The following DISP1 variants were observed in gnomAD, a reference collection of about 807,000 sequenced individuals.
DISP1 encodes dispatched RND transporter family member 1, also known as protein dispatched homolog 1.
A neutral mutation model predicts 37.3 loss-of-function variants in DISP1; 30 were observed. That is an observed-to-expected ratio of 0.80 (90% CI 0.60 to 1.09). DISP1 has a LOEUF of 1.09. DISP1 is among the 50% of genes least tolerant of loss of function. The pLI, the probability that DISP1 is intolerant of heterozygous loss-of-function variation, is 0.00. For missense variants in DISP1, 1,598 were observed against 1,879.5 expected (o/e 0.85, Z 2.77); for synonymous variants, 634 against 690.2 (o/e 0.92, Z 1.28).
intron 1 of DISP1, among the ~76,000 whole-genome samples, chr1:222,838,065 C>T (rs926271136): frequency 1.3e-5 from 2 of 152,002 alleles, no homozygotes; most frequent in African/African-American, 4.8e-5. Context: ...AAATTTTTTT[C>T]CCAATTTAAT....
intron 1 of DISP1, chr1:222,831,161 G>A (rs559693265): frequency 6.6e-6 from 1 of 152,286 alleles, no homozygotes; most frequent in Admixed American, 6.5e-5. Flanking sequence ...TTGTGCAAAT[G>A]TGAAATACTT....
intron 1 of DISP1, among the ~76,000 whole-genome samples, chr1:222,816,156 T>A (rs980667371): frequency 1.3e-5 from 2 of 151,398 alleles, no homozygotes; most frequent in South Asian, 4.2e-4. Flanking sequence ...CAAGATCTGT[T>A]GTTACACGCA....
At chr1:222,874,809 C>T (rs908414706) in intron 1 of DISP1, among the ~76,000 whole-genome samples, 4 of 152,114 alleles carry the variant, frequency 2.6e-5, no homozygotes, top group Admixed American at 1.3e-4. Flanking sequence ...TGAGGAGCTG[C>T]GTTCCTTTGG....
chr1:222,895,018 A>T (rs1671166791), intron 1 of DISP1, among the ~76,000 whole-genome samples: 2 of 152,236 alleles, frequency 1.3e-5, no homozygotes. Context: ...GCATCTGAGT[A>T]GGGACACCCT....
At chr1:222,848,649 C>T (rs1306567230) in intron 1 of DISP1, among the ~76,000 whole-genome samples, 1 of 152,124 alleles carries the variant, frequency 6.6e-6, no homozygotes, top group Non-Finnish European at 1.5e-5. Context: ...TAACAAATAC[C>T]TGTGCAGCAC....
intron 3 of DISP1, among the ~76,000 whole-genome samples, chr1:222,950,814 C>T (rs917484191): frequency 6.6e-6 from 1 of 152,104 alleles, no homozygotes; most frequent in Non-Finnish European, 1.5e-5. Flanking sequence ...CTTCTTATTG[C>T]CGTATTAAAG....
rs748964993 is a variant in DISP1, at chr1:223,005,232, C to G, written c.3835C>G (p.His1279Asp). 1.9e-6 allele frequency: 3 copies of G among 1,614,008 alleles called. No homozygotes were observed. In the African/African-American group the frequency reaches 4.0e-5, roughly 22 times the overall value. The change falls in exon 9 of 9, where the codon CAC (histidine) becomes GAC (aspartate). Residue 1279 changes from histidine to aspartate, a missense_variant. His to Asp is a moderately conservative substitution (Grantham distance 81). Coordinates refer to ENST00000675850, the MANE Select transcript of DISP1 (RefSeq NM_001377229.1). Reference protein sequence around the residue: ...QRCSCPDAYKHLNYGPHSCQQ... With the variant: ...QRCSCPDAYKDLNYGPHSCQQ... ...ATGTAGCTGCCCAGATGCCTACAAA[C>G]ACTTGAACTATGGCCCACACTCTTG... is the stretch of plus-strand genomic sequence containing the variant.
At chr1:222,834,904 G>A (rs1282610504) in intron 1 of DISP1, among the ~76,000 whole-genome samples, 1 of 152,070 alleles carries the variant, frequency 6.6e-6, no homozygotes, top group African/African-American at 2.4e-5. Flanking sequence ...GCAAAATAAC[G>A]CATGTGAAGT....
At chr1:222,871,023 C>G (rs1669537494) in intron 1 of DISP1, among the ~76,000 whole-genome samples, 1 of 152,028 alleles carries the variant, frequency 6.6e-6, no homozygotes, top group Non-Finnish European at 1.5e-5. Context: ...AGCCAGTTTT[C>G]CCAGCACTAT....
intron 1 of DISP1, chr1:222,837,247 A>G: frequency 2.6e-6 from 1 of 391,918 alleles, no homozygotes. Context: ...GGATCCAGAG[A>G]TGGACGCCAA....
intron 1 of DISP1, among the ~76,000 whole-genome samples, chr1:222,846,854 C>T (rs769346199): frequency 6.6e-6 from 1 of 152,222 alleles, no homozygotes; most frequent in Non-Finnish European, 1.5e-5. Context: ...TTAGTGAAAA[C>T]ATTTTTTGTT....
At position 223,003,358 on chromosome 1, in the gene DISP1, C is replaced by A. The variant is rs781021329; in HGVS notation, c.1961C>A (p.Ala654Glu). Residue 654 changes from alanine (A) to glutamate (E), a missense_variant, in exon 9 of 9, where the codon GCA becomes GAA. By Grantham distance (107) the Ala-to-Glu change is moderately radical (BLOSUM62 -1). Transcript: ENST00000675850. This position sits in a 1 kb window ranked among gnomAD's most constrained non-coding sequence, Gnocchi z 4.3. ...GTTTTGATGGTCACATGGCTTCCAG[C>A]AGTTGTTGTGCTGCATGAGCGGTAT... ...NYVLMVTWLP[A>E]VVVLHERYLL... The A allele has an allele frequency of 1.2e-6, 2 of 1,614,116 alleles. No homozygotes were observed. The highest frequency in any genetic ancestry group is 3.3e-5 in the Admixed American group (2 of 60,030).
chr1:222,844,367 A>G (rs1667780584), intron 1 of DISP1, among the ~76,000 whole-genome samples: 2 of 152,140 alleles, frequency 1.3e-5, no homozygotes, highest in South Asian at 2.1e-4. Context: ...CTAATTTAGC[A>G]GGTTTTCTGA....
intron 1 of DISP1, among the ~76,000 whole-genome samples, chr1:222,889,235 C>G (rs1041004447): frequency 2.0e-5 from 3 of 152,036 alleles, no homozygotes; most frequent in Non-Finnish European, 4.4e-5. Flanking sequence ...GAAGAAAAAA[C>G]CCTCAAAATC....
chr1:222,978,577 A>G (rs1677586185), intron 3 of DISP1, among the ~76,000 whole-genome samples: 1 of 152,164 alleles, frequency 6.6e-6, no homozygotes, highest in South Asian at 2.1e-4. Context: ...TTGGTGTTTT[A>G]GACATGAAGT....
chr1:222,943,527 C>A, intron 3 of DISP1, 195 bp downstream of exon 3: 2 of 698,968 alleles, frequency 2.9e-6, no homozygotes, highest in Non-Finnish European at 4.7e-6. Context: ...TATCCACTGA[C>A]TTGTTAGTCA....
intron 1 of DISP1, among the ~76,000 whole-genome samples, chr1:222,819,031 G>T (rs1227532054): frequency 6.6e-6 from 1 of 152,186 alleles, no homozygotes; most frequent in African/African-American, 2.4e-5. Flanking sequence ...GTGGAGTCTG[G>T]TGGTAGGTGA....
Position 222,912,272 on chromosome 1 carries a change from G to C in DISP1, c.-158-16158G>C, listed in dbSNP as rs575509424. Among the ~76,000 whole-genome samples the C allele has an allele frequency of 3.3e-5, 5 of 152,280 alleles. No homozygotes were observed. The South Asian group carries it at 8.3e-4, about 25-fold the overall frequency. On this transcript the variant is annotated intron_variant, in intron 1 of 8. Transcript: ENST00000675850. The stretch of plus-strand genomic sequence containing the variant: ...TCATATCTCTGCAATTAATCTGTAG[G>C]TTTGCATAGAGTAGCAATTTGGACC...
At chr1:222,977,287 G>A (rs564474863) in intron 3 of DISP1, among the ~76,000 whole-genome samples, 49 of 149,686 alleles carry the variant, frequency 3.3e-4, no homozygotes, top group African/African-American at 1.2e-3. Flanking sequence ...GCCAGCTCTG[G>A]CCTCCCAAAG....
Sources: gnomAD v4.1 joint callset for allele counts (sites outside exome capture counted in the v4.1 genomes callset) on GRCh38, gnomAD v4.1.1 for gene constraint, Gnocchi (gnomAD v3.1) non-coding constraint, MANE v1.5 for transcripts, NCBI Gene and HGNC (gene_info 2026-07-23, HGNC 2026-07-21) for gene names.